The following MEIKIN variants were observed in gnomAD, a reference collection of about 807,000 sequenced individuals.
The protein encoded by MEIKIN is meiotic kinetochore factor.
At chr5:131,871,195 G>A (rs1750488410) in intron 9 of MEIKIN, among the ~76,000 whole-genome samples, 1 of 152,306 alleles carries the variant, frequency 6.6e-6, no homozygotes, top group Non-Finnish European at 1.5e-5. Context: ...CCGAAGCAGG[G>A]CAAGGAATCA....
At chr5:131,812,430 G>T (rs78608217) in intron 12 of MEIKIN, among the ~76,000 whole-genome samples, 43 of 152,238 alleles carry the variant, frequency 2.8e-4, no homozygotes, top group Non-Finnish European at 5.6e-4. Flanking sequence ...TTCCTACAAT[G>T]AAATTGGTAG....
chr5:131,858,828 T>G (rs1750237563), intron 9 of MEIKIN, among the ~76,000 whole-genome samples: 2 of 151,972 alleles, frequency 1.3e-5, no homozygotes, highest in Admixed American at 1.3e-4. Context: ...TATGAAAAAA[T>G]GCTCACCACT....
At chr5:131,900,669 G>T (rs1186409642) in intron 8 of MEIKIN, among the ~76,000 whole-genome samples, 2 of 152,182 alleles carry the variant, frequency 1.3e-5, no homozygotes, top group African/African-American at 4.8e-5. Flanking sequence ...TCTTGCCCAT[G>T]AGATAGGGCT....
chr5:131,926,949 AACTCTCAGTTT>A (rs1751596964), intron 5 of MEIKIN, among the ~76,000 whole-genome samples: 2 of 152,088 alleles, frequency 1.3e-5, no homozygotes, highest in African/African-American at 4.8e-5. Flanking sequence ...TCAAAAAACC[AACTCTCAGTTT>A]CACTGATTTC....
rs182871385 is a variant in MEIKIN, at chr5:131,897,396, G to T, written c.703+14419C>A. On this transcript the variant is annotated intron_variant, in intron 8 of 12. Transcript: ENST00000442687. The stretch of plus-strand genomic sequence containing the variant: ...GTAACTTCTCGAGGAGTATCTTTGT[G>T]GTGTTCTCTGTATTTCCTGAATTTG... 4.8e-3 allele frequency among the ~76,000 whole-genome samples: 725 copies of T among 152,240 alleles called. 5 individuals are homozygous for T. The highest frequency in any genetic ancestry group is 0.017 in the African/African-American group (688 of 41,534).
intron 12 of MEIKIN, among the ~76,000 whole-genome samples, chr5:131,813,726 C>T (rs1773048413): frequency 2.0e-5 from 3 of 152,074 alleles, no homozygotes; most frequent in Non-Finnish European, 2.9e-5. Context: ...CGTGCCCAGC[C>T]GATCTTTAAC....
chr5:131,871,192 A>C (rs2149624569), intron 9 of MEIKIN, among the ~76,000 whole-genome samples: 1 of 152,328 alleles, frequency 6.6e-6, no homozygotes, highest in Middle Eastern at 3.4e-3. Flanking sequence ...AAGCCGAAGC[A>C]GGGCAAGGAA....
At chr5:131,850,157 T>C (rs981280197) in intron 11 of MEIKIN, among the ~76,000 whole-genome samples, 3 of 151,958 alleles carry the variant, frequency 2.0e-5, no homozygotes, top group Non-Finnish European at 2.9e-5. Flanking sequence ...ATAAAAACTA[T>C]AAAACATTGG....
intron 5 of MEIKIN, among the ~76,000 whole-genome samples, chr5:131,925,917 C>A (rs1261524179): frequency 2.6e-5 from 4 of 152,186 alleles, no homozygotes; most frequent in African/African-American, 9.7e-5. Flanking sequence ...ATCTGCCCGC[C>A]TTGGCCTCTT....
At chr5:131,838,740 T>C (rs1471343630) in intron 11 of MEIKIN, among the ~76,000 whole-genome samples, 1 of 152,146 alleles carries the variant, frequency 6.6e-6, no homozygotes, top group Non-Finnish European at 1.5e-5. Flanking sequence ...GGCTCCTATC[T>C]CTTTTCTCTT....
intron 8 of MEIKIN, among the ~76,000 whole-genome samples, chr5:131,910,474 T>C (rs1484639889): frequency 6.6e-6 from 1 of 151,894 alleles, no homozygotes; most frequent in Non-Finnish European, 1.5e-5. Context: ...GGATGGTTAA[T>C]GGGTACAAAA....
chr5:131,827,722 A>T (rs1164530134), intron 11 of MEIKIN, among the ~76,000 whole-genome samples: 2 of 152,234 alleles, frequency 1.3e-5, no homozygotes, highest in African/African-American at 4.8e-5. Context: ...AAATACATAA[A>T]GCAAAAATTT....
chr5:131,841,224 A>G (rs1604082), intron 11 of MEIKIN, among the ~76,000 whole-genome samples: 87,597 of 152,008 alleles, frequency 0.58, 29,688 homozygotes, highest in Non-Finnish European at 0.76. Context: ...GCACTGGGTG[A>G]GAGTGGTTGC....
chr5:131,859,385 G>A (rs1392386654), intron 9 of MEIKIN, among the ~76,000 whole-genome samples: 1 of 152,190 alleles, frequency 6.6e-6, no homozygotes, highest in Admixed American at 6.5e-5. Flanking sequence ...TGGAGGTGGG[G>A]CCTGGTGGGA....
At chr5:131,874,493 G>A (rs991683964) in intron 9 of MEIKIN, among the ~76,000 whole-genome samples, 1 of 152,204 alleles carries the variant, frequency 6.6e-6, no homozygotes, top group African/African-American at 2.4e-5. Flanking sequence ...CTGAAATTGA[G>A]GCAATAATCA....
chr5:131,875,801 A>G lies in MEIKIN; in HGVS notation c.774+3177T>C, dbSNP rs566313213. On this transcript the variant is annotated intron_variant, in intron 9 of 12. Transcript: ENST00000442687. ...GGTACTGGTACCAAAACAGAGATAT[A>G]GACCTATGGAACAGAACACAGCACT... Among the ~76,000 whole-genome samples the G allele has an allele frequency of 1.8e-4, 27 of 152,348 alleles. 1 individual carries two copies. Among genetic ancestry groups the G allele is most frequent in the Admixed American group, 7.8e-4 (12 of 15,300 alleles).
chr5:131,940,659 G>C (rs889308124), intron 4 of MEIKIN, among the ~76,000 whole-genome samples: 8 of 152,052 alleles, frequency 5.3e-5, no homozygotes, highest in African/African-American at 1.7e-4. Flanking sequence ...CTTGCTTCTG[G>C]AGATTTTGGA....
chr5:131,875,546 T>C (rs994970496), intron 9 of MEIKIN, among the ~76,000 whole-genome samples: 1 of 151,990 alleles, frequency 6.6e-6, no homozygotes, highest in Non-Finnish European at 1.5e-5. Flanking sequence ...GAATAATCAA[T>C]ATCGTGAAAA....
chr5:131,921,948 C>G lies in MEIKIN; in HGVS notation c.479-7G>C, dbSNP rs1007930043. The G allele has an allele frequency of 7.5e-6, 3 of 398,700 alleles. No homozygotes were observed. Among genetic ancestry groups the G allele is most frequent in the African/African-American group, 6.2e-5 (3 of 48,592 alleles). The allele number at this position is 398,700 out of a possible 1,614,324, so 24.7% of individuals were successfully genotyped here. On this transcript the variant is annotated splice_region_variant and splice_polypyrimidine_tract_variant and intron_variant, in intron 5 of 12. Transcript: ENST00000442687. Reference sequence around the variant, plus strand: ...AAGTTGGGACACTCCCAGTCTAAAACAGCAGAGAAGAAATAGTGTAAGACT... The same window carrying G: ...AAGTTGGGACACTCCCAGTCTAAAAGAGCAGAGAAGAAATAGTGTAAGACT...
Sources: allele counts gnomAD v4.1 joint callset (sites outside exome capture counted in the v4.1 genomes callset), GRCh38; gene constraint gnomAD v4.1.1; transcripts MANE v1.5; gene names NCBI Gene and HGNC (gene_info 2026-07-23, HGNC 2026-07-21).